The following TLK2 variants were observed in gnomAD, a reference collection of about 807,000 sequenced individuals.
TLK2 encodes the protein serine/threonine-protein kinase tousled-like 2.
Under a neutral mutation model 117.3 loss-of-function variants are expected in TLK2, and 6 were observed. The ratio of observed to expected loss-of-function variants is 0.05; its 90% CI spans 0.03 to 0.10. The LOEUF is 0.10. TLK2 is among the 10% of genes least tolerant of loss of function. TLK2 has a pLI of 1.00. For missense variants in TLK2, 299 were observed against 901.2 expected, an observed-to-expected ratio of 0.33 and a Z score of 8.56; for synonymous variants, 257 against 316.7, an observed-to-expected ratio of 0.81 and a Z score of 2.00.
intron 1 of TLK2, among the ~76,000 whole-genome samples, chr17:62,480,138 G>T (rs973300756): frequency 6.6e-6 from 1 of 152,260 alleles, no homozygotes; most frequent in Non-Finnish European, 1.5e-5. Context: ...GTTGTTACTG[G>T]AGATTGTAGA....
intron 19 of TLK2, among the ~76,000 whole-genome samples, 163 bp downstream of exon 19, chr17:62,602,343 C>T (rs2082932614): frequency 6.6e-6 from 1 of 152,206 alleles, no homozygotes; most frequent in Non-Finnish European, 1.5e-5. Flanking sequence ...AACAGTTTGA[C>T]TCTTGGTATT....
chr17:62,505,406 G>GTTT (rs1220388129), intron 2 of TLK2, among the ~76,000 whole-genome samples: 3 of 22,648 alleles, frequency 1.3e-4, no homozygotes, highest in African/African-American at 4.4e-4. Context: ...ACCATACCCA[G>GTTT]ATTTTTTTTT....
At position 62,612,508 on chromosome 17, in the gene TLK2, T is replaced by C; in HGVS notation, c.2196T>C (p.Pro732=). ...HIRKSVSTSS[P]AGAAIASTSG... ...GAAAGTCAGTCTCTACAAGTAGCCCTGCTGGAGCTGCTATTGCATCAACCT... is the reference window on the plus strand; with the variant it reads ...GAAAGTCAGTCTCTACAAGTAGCCCCGCTGGAGCTGCTATTGCATCAACCT... Residue 732 remains proline, a synonymous_variant, in exon 22 of 22, where the codon CCT becomes CCC. Coordinates refer to ENST00000346027, the MANE Select transcript of TLK2 (RefSeq NM_006852.6). 1.2e-6 allele frequency: 2 copies of C among 1,614,218 alleles called. No individual in the cohort carries two copies. Among genetic ancestry groups the C allele is most frequent in the Non-Finnish European group, 1.7e-6 (2 of 1,180,040 alleles).
chr17:62,550,957 T>G (rs1191842651), intron 7 of TLK2: 2 of 152,338 alleles, frequency 1.3e-5, no homozygotes, highest in Non-Finnish European at 1.5e-5. Flanking sequence ...TAGCTGGGAT[T>G]ACAGGTGTGC....
chr17:62,486,695 A>G (rs550311216), intron 2 of TLK2, among the ~76,000 whole-genome samples: 3 of 152,354 alleles, frequency 2.0e-5, no homozygotes, highest in Admixed American at 2.0e-4. Context: ...CTAGTTGGAT[A>G]TCAATGCTAA....
In TLK2 at chr17:62,612,622, A is replaced by G; in HGVS notation, c.*57A>G. ...CACACAAAGTGGACAAATGGCGTTC[A>G]GCAGCGGGTTTGGAACATAGCGAAT... is the stretch of plus-strand genomic sequence containing the variant. On this transcript the variant is annotated 3_prime_UTR_variant, in exon 22 of 22. Coordinates refer to ENST00000346027, the MANE Select transcript of TLK2 (RefSeq NM_006852.6). The G allele has an allele frequency of 2.0e-6, 3 of 1,520,320 alleles. No homozygotes were observed. Among genetic ancestry groups the G allele is most frequent in the Non-Finnish European group, 2.7e-6 (3 of 1,116,394 alleles). 94.2% of individuals were successfully genotyped at this position (1,520,320 alleles called of 1,614,324 possible).
chr17:62,592,011 A>G (rs911251420), intron 16 of TLK2, among the ~76,000 whole-genome samples: 1 of 151,454 alleles, frequency 6.6e-6, no homozygotes, highest in African/African-American at 2.4e-5. Context: ...CTGGAGTGCA[A>G]TGGCGCAATC....
At chr17:62,542,676 A>G (rs537187806) in intron 7 of TLK2, among the ~76,000 whole-genome samples, 21 of 152,296 alleles carry the variant, frequency 1.4e-4, no homozygotes, top group Middle Eastern at 3.4e-3. Flanking sequence ...GACTCACTGA[A>G]AAGAAGAGAG....
At chr17:62,595,119 G>A (rs1284202440) in intron 16 of TLK2, among the ~76,000 whole-genome samples, 4 of 151,850 alleles carry the variant, frequency 2.6e-5, no homozygotes, top group African/African-American at 4.8e-5. Flanking sequence ...CCACCACCAC[G>A]GCCAGCTAAT....
At chr17:62,523,231 A>G (rs919691616) in intron 5 of TLK2, 54 bp downstream of exon 5, 11 of 1,573,968 alleles carry the variant, frequency 7.0e-6, no homozygotes, top group East Asian at 2.3e-5. Context: ...AAAAAACTCT[A>G]TAGTGATTTT....
chr17:62,554,285 G>A (rs2078685636), intron 9 of TLK2, among the ~76,000 whole-genome samples: 3 of 152,106 alleles, frequency 2.0e-5, no homozygotes, highest in Non-Finnish European at 2.9e-5. Flanking sequence ...TTTTTAAAGA[G>A]TAAAAAGGGC....
At chr17:62,577,529 G>A (rs371390453) in intron 13 of TLK2, among the ~76,000 whole-genome samples, 1 of 152,208 alleles carries the variant, frequency 6.6e-6, no homozygotes, top group East Asian at 1.9e-4. Flanking sequence ...AAATACAAAG[G>A]CACATAACAT....
intron 9 of TLK2, among the ~76,000 whole-genome samples, chr17:62,555,743 C>T (rs2078814432): frequency 6.6e-6 from 1 of 151,864 alleles, no homozygotes; most frequent in Admixed American, 6.6e-5. Flanking sequence ...TCCCAAAGTG[C>T]TGGGATTACA....
At chr17:62,512,162 C>T (rs1284310985) in intron 2 of TLK2, among the ~76,000 whole-genome samples, 3 of 148,270 alleles carry the variant, frequency 2.0e-5, no homozygotes, top group African/African-American at 4.9e-5. Context: ...TAAAGGCTAA[C>T]GTGTTGAACA....
At chr17:62,534,051 TTCTGTA>T (rs1327572598) in intron 6 of TLK2, among the ~76,000 whole-genome samples, 5 of 152,236 alleles carry the variant, frequency 3.3e-5, no homozygotes, top group Non-Finnish European at 5.9e-5. Context: ...ATCTGTCTGC[TTCTGTA>T]TCTGTATGAT....
At chr17:62,484,299 ACTT>A (rs767134069) in intron 2 of TLK2, among the ~76,000 whole-genome samples, 4 of 151,278 alleles carry the variant, frequency 2.6e-5, no homozygotes, top group African/African-American at 7.3e-5. Flanking sequence ...ATTTCGTATG[ACTT>A]CTTTTTTTTT....
intron 17 of TLK2, among the ~76,000 whole-genome samples, chr17:62,599,481 G>A (rs545229616): frequency 6.6e-5 from 10 of 152,300 alleles, no homozygotes; most frequent in Admixed American, 2.6e-4. Flanking sequence ...TCAGGCCCAT[G>A]TGTCCATTGG....
At chr17:62,549,418 A>AAAAAAAAAG (rs2078229773) in intron 7 of TLK2, among the ~76,000 whole-genome samples, 6 of 8,534 alleles carry the variant, frequency 7.0e-4, no homozygotes, top group Admixed American at 2.9e-3. Flanking sequence ...AAAAAAAAAA[A>AAAAAAAAAG]AAAAAAAAAA....
chr17:62,607,175 C>G (rs913009528), intron 20 of TLK2, among the ~76,000 whole-genome samples: 5 of 151,922 alleles, frequency 3.3e-5, no homozygotes, highest in Admixed American at 6.6e-5. Context: ...CTCAGTAGAA[C>G]CAGTATAGAG....
Sources: gnomAD v4.1 joint callset for allele counts (sites outside exome capture counted in the v4.1 genomes callset) on GRCh38, gnomAD v4.1.1 for gene constraint, MANE v1.5 for transcripts, NCBI Gene and HGNC (gene_info 2026-07-23, HGNC 2026-07-21) for gene names.